CACNA2D3: variants seen among roughly 807,000 people sequenced by gnomAD.
CACNA2D3 encodes calcium voltage-gated channel auxiliary subunit alpha2delta 3.
CACNA2D3 carries 60 observed loss-of-function variants against 160.6 expected under a neutral mutation model. The observed-to-expected ratio is 0.37, with a 90% CI of 0.30 to 0.46. The LOEUF is 0.46. Ranked by LOEUF, CACNA2D3 falls within the 20% of genes least tolerant of loss-of-function variation. The pLI is 1.00. For missense variants in CACNA2D3, 1,205 were observed against 1,365.0 expected, an observed-to-expected ratio of 0.88 and a Z score of 1.85; for synonymous variants, 558 against 492.9, an observed-to-expected ratio of 1.13 and a Z score of -1.75.
intron 27 of CACNA2D3, among the ~76,000 whole-genome samples, chr3:54,945,065 GT>G (rs1184801992): frequency 6.6e-6 from 1 of 152,170 alleles, no homozygotes; most frequent in Non-Finnish European, 1.5e-5. Context: ...TCTAGGCCTT[GT>G]TTGGGGGCTA....
At chr3:54,527,537 C>T (rs1362365192) in intron 5 of CACNA2D3, among the ~76,000 whole-genome samples, 1 of 152,156 alleles carries the variant, frequency 6.6e-6, no homozygotes, top group East Asian at 1.9e-4. Context: ...GTTCGCCTTT[C>T]AAGTTTGGGC....
At position 54,615,832 on chromosome 3, in the gene CACNA2D3, C is replaced by T. The variant is rs112278250; in HGVS notation, c.964-11955C>T. Among the ~76,000 whole-genome samples, 1,145 of 152,242 alleles carry T rather than the reference C, an allele frequency of 7.5e-3. 13 individuals are homozygous for T. The highest frequency in any genetic ancestry group is 0.025 in the African/African-American group (1,043 of 41,538). On this transcript the variant is annotated intron_variant, in intron 9 of 37. Transcript: ENST00000474759. ...AGGCTGCACAGCAGGAGGTAAGTAG[C>T]GGGTGAGTGAGCAAGCATTACCACC...
At chr3:54,460,444 A>C (rs1472533919) in intron 4 of CACNA2D3, among the ~76,000 whole-genome samples, 2 of 152,086 alleles carry the variant, frequency 1.3e-5, no homozygotes, top group Non-Finnish European at 2.9e-5. Flanking sequence ...ATCCTCATTT[A>C]TTTCATTGAG....
Position 55,036,185 on chromosome 3 carries a change from A to G in CACNA2D3, c.2987+17868A>G, listed in dbSNP as rs191250455. Among the ~76,000 whole-genome samples the G allele has an allele frequency of 7.2e-3, 1,093 of 152,218 alleles. 15 individuals are homozygous for G. Among genetic ancestry groups the G allele is most frequent in the African/African-American group, 0.025 (1,028 of 41,564 alleles). Reference sequence around the variant, plus strand: ...CCCTTGACCAGGTGCAGTGGCTCCCACCTGTAATCCCAGCACTTTGGGAGG... The same window carrying G: ...CCCTTGACCAGGTGCAGTGGCTCCCGCCTGTAATCCCAGCACTTTGGGAGG... On this transcript the variant is annotated intron_variant, in intron 35 of 37. Transcript: ENST00000474759.
chr3:54,176,327 A>G (rs1700677253), intron 2 of CACNA2D3, among the ~76,000 whole-genome samples: 1 of 152,232 alleles, frequency 6.6e-6, no homozygotes, highest in South Asian at 2.1e-4. Flanking sequence ...AGGAAGAAAC[A>G]GTTCTCCTGG....
chr3:54,687,142 T>TTTTTTTTTTTTTTTTTTTTG (rs1700476120), intron 11 of CACNA2D3, among the ~76,000 whole-genome samples: 1 of 72,964 alleles, frequency 1.4e-5, no homozygotes, highest in East Asian at 2.4e-4. Context: ...TTTGTTTTTT[T>TTTTTTTTTTTTTTTTTTTTG]TTTTTTTTGT....
chr3:54,892,918 C>G (rs559489460), intron 25 of CACNA2D3, among the ~76,000 whole-genome samples: 11 of 152,190 alleles, frequency 7.2e-5, no homozygotes, highest in African/African-American at 2.7e-4. Context: ...ACTTGGGTAT[C>G]TTCATTCTGT....
intron 2 of CACNA2D3, among the ~76,000 whole-genome samples, chr3:54,180,681 T>C (rs1182413973): frequency 6.6e-6 from 1 of 152,212 alleles, no homozygotes; most frequent in African/African-American, 2.4e-5. Flanking sequence ...GCTCAAGTCA[T>C]ATATTGCTGC....
At chr3:54,238,706 A>G (rs990706393) in intron 2 of CACNA2D3, among the ~76,000 whole-genome samples, 1 of 152,210 alleles carries the variant, frequency 6.6e-6, no homozygotes, top group Non-Finnish European at 1.5e-5. Context: ...TAATGTAAAA[A>G]AGAGGCTTTG....
chr3:54,403,419 T>G (rs1699510752), intron 4 of CACNA2D3, among the ~76,000 whole-genome samples: 1 of 150,500 alleles, frequency 6.6e-6, no homozygotes, highest in African/African-American at 2.5e-5. Context: ...TAAAAATATC[T>G]TGAGACAAAA....
chr3:54,195,784 G>A (rs915885976), intron 2 of CACNA2D3, among the ~76,000 whole-genome samples: 1 of 152,170 alleles, frequency 6.6e-6, no homozygotes, highest in Admixed American at 6.5e-5. Context: ...GGGATGTCAA[G>A]CATCCTTCAG....
intron 4 of CACNA2D3, among the ~76,000 whole-genome samples, chr3:54,438,274 T>C (rs186803414): frequency 2.0e-4 from 31 of 152,304 alleles, no homozygotes; most frequent in Non-Finnish European, 3.2e-4. Context: ...TGTAAAATAA[T>C]TGTAATATAA....
intron 4 of CACNA2D3, among the ~76,000 whole-genome samples, chr3:54,446,191 A>G (rs149667705): frequency 6.6e-6 from 1 of 152,198 alleles, no homozygotes; most frequent in Non-Finnish European, 1.5e-5. Context: ...AACAACCTTC[A>G]TGTCTCCTAA....
chr3:55,070,843 C>A (rs1434812171), intron 35 of CACNA2D3, among the ~76,000 whole-genome samples: 1 of 152,064 alleles, frequency 6.6e-6, no homozygotes, highest in Non-Finnish European at 1.5e-5. Flanking sequence ...GTATTCATTT[C>A]TAATTGGACT....
intron 35 of CACNA2D3, among the ~76,000 whole-genome samples, chr3:55,051,106 T>C (rs1209192623): frequency 6.6e-6 from 1 of 152,104 alleles, no homozygotes. Flanking sequence ...TCTCAGCTCG[T>C]CAAAGTCATT....
intron 35 of CACNA2D3, among the ~76,000 whole-genome samples, chr3:55,051,383 C>A (rs1301340975): frequency 5.2e-5 from 7 of 134,706 alleles, no homozygotes; most frequent in African/African-American, 2.5e-4. Context: ...TCAGTGTGCC[C>A]CTGCTGGGGG....
intron 2 of CACNA2D3, among the ~76,000 whole-genome samples, chr3:54,280,361 G>A (rs1416326449): frequency 3.9e-5 from 6 of 152,142 alleles, no homozygotes; most frequent in Non-Finnish European, 7.4e-5. Flanking sequence ...GATTACAGGC[G>A]TGAGCCACCG....
chr3:54,772,456 T>C, intron 13 of CACNA2D3, among the ~76,000 whole-genome samples: 1 of 152,054 alleles, frequency 6.6e-6, no homozygotes, highest in East Asian at 1.9e-4. Context: ...TTTGGGTTCT[T>C]GCACATGAGA....
At chr3:54,269,089 C>G (rs1702570061) in intron 2 of CACNA2D3, among the ~76,000 whole-genome samples, 3 of 152,110 alleles carry the variant, frequency 2.0e-5, no homozygotes, top group Non-Finnish European at 1.5e-5. Context: ...TGAGCCCCTG[C>G]TCTGCTCAGC....
Sources: gnomAD v4.1 joint callset for allele counts (sites outside exome capture counted in the v4.1 genomes callset) on GRCh38, gnomAD v4.1.1 for gene constraint, MANE v1.5 for transcripts, NCBI Gene and HGNC (gene_info 2026-07-23, HGNC 2026-07-21) for gene names.